The following SAMMSON variants were observed in gnomAD, a reference collection of about 807,000 sequenced individuals.
SAMMSON encodes survival associated mitochondrial melanoma specific oncogenic non-coding RNA, also known as long intergenic non-protein coding RNA 1212.
chr3:70,337,028 ATAATAATATCTAACTTAATATTATTAT>A, intron 7 of SAMMSON, among the ~76,000 whole-genome samples: 1 of 138,658 alleles, frequency 7.2e-6, no homozygotes, highest in African/African-American at 2.6e-5. Context: ...ATTATTATTA[ATAATAATATCTAACTTAATATTATTAT>A]TATTAATAAT....
intron 8 of SAMMSON, among the ~76,000 whole-genome samples, chr3:70,355,192 T>A (rs958887508): frequency 1.3e-5 from 2 of 152,044 alleles, no homozygotes; most frequent in Non-Finnish European, 2.9e-5. Context: ...ACGCTGGAGA[T>A]CTGGTTGAGA....
At chr3:70,388,053 T>C (rs1281269292) in intron 9 of SAMMSON, among the ~76,000 whole-genome samples, 3 of 152,158 alleles carry the variant, frequency 2.0e-5, no homozygotes, top group Non-Finnish European at 4.4e-5. Context: ...GAACGCTTTT[T>C]TGACACGTTG....
intron 7 of SAMMSON, chr3:70,302,834 C>T (rs1219432851): frequency 2.6e-5 from 4 of 152,052 alleles, no homozygotes; most frequent in Admixed American, 6.6e-5. Context: ...ATCTTGTAGG[C>T]CTTTCATTCC....
At chr3:70,127,676 C>G (rs1347835671) in intron 4 of SAMMSON, 1 of 151,946 alleles carries the variant, frequency 6.6e-6, no homozygotes, top group Non-Finnish European at 1.5e-5. Context: ...AAATCTTGCT[C>G]TGTCACCCAG....
intron 4 of SAMMSON, among the ~76,000 whole-genome samples, chr3:70,079,424 C>G (rs78768453): frequency 0.011 from 1,717 of 152,232 alleles, 19 homozygotes; most frequent in Middle Eastern, 0.048. Context: ...TGGATGGACC[C>G]TGACTTATGA....
intron 4 of SAMMSON, among the ~76,000 whole-genome samples, chr3:70,170,579 C>CTTTTTTTTTTT (rs538385626): frequency 4.5e-3 from 475 of 105,492 alleles, no homozygotes; most frequent in Non-Finnish European, 5.2e-3. Context: ...CTAGATTTTC[C>CTTTTTTTTTTT]TTTTTTTTTT....
At chr3:70,352,323 A>G (rs780300181) in intron 7 of SAMMSON, among the ~76,000 whole-genome samples, 1 of 152,116 alleles carries the variant, frequency 6.6e-6, no homozygotes, top group Admixed American at 6.6e-5. Flanking sequence ...CAGATTTCTC[A>G]TCAGAGAGAC....
intron 4 of SAMMSON, among the ~76,000 whole-genome samples, chr3:70,222,155 C>G (rs1350623728): frequency 1.3e-5 from 2 of 152,126 alleles, no homozygotes; most frequent in Non-Finnish European, 2.9e-5. Context: ...CTTACACAGG[C>G]AAAGGTATTC....
intron 2 of SAMMSON, among the ~76,000 whole-genome samples, chr3:70,403,634 T>C (rs1701158043): frequency 2.0e-5 from 3 of 152,100 alleles, no homozygotes; most frequent in East Asian, 3.9e-4. Flanking sequence ...AGTGACAGAG[T>C]TGAGTGATTG....
chr3:70,202,012 C>T, intron 4 of SAMMSON, among the ~76,000 whole-genome samples: 1 of 152,118 alleles, frequency 6.6e-6, no homozygotes, highest in East Asian at 1.9e-4. Context: ...GAATGTATAT[C>T]CCTCTGTGGC....
chr3:70,389,624 G>A (rs2106756479), exon 10 of SAMMSON: 1 of 152,198 alleles, frequency 6.6e-6, no homozygotes, highest in Admixed American at 6.5e-5. Context: ...TTTGTGACTT[G>A]CTTTGTACAG....
At chr3:70,251,293 CAGAA>C (rs1701765598) in intron 6 of SAMMSON, among the ~76,000 whole-genome samples, 1 of 152,144 alleles carries the variant, frequency 6.6e-6, no homozygotes, top group Non-Finnish European at 1.5e-5. Context: ...ACTCAATGTC[CAGAA>C]AGTAAAGTGA....
chr3:70,125,800 G>GT, intron 4 of SAMMSON: 1 of 658,894 alleles, frequency 1.5e-6, no homozygotes, highest in Non-Finnish European at 2.7e-6. Flanking sequence ...CTGCCTTATT[G>GT]TTTTGGGTCT....
At chr3:70,238,320 A>T (rs981469507) in intron 4 of SAMMSON, among the ~76,000 whole-genome samples, 4 of 152,014 alleles carry the variant, frequency 2.6e-5, no homozygotes, top group African/African-American at 9.7e-5. Flanking sequence ...TAAAAAGTCT[A>T]TCTGAGGCTG....
intron 3 of SAMMSON, among the ~76,000 whole-genome samples, chr3:70,027,625 G>C (rs1286929366): frequency 6.6e-6 from 1 of 152,170 alleles, no homozygotes; most frequent in African/African-American, 2.4e-5. Context: ...ACAAATACTG[G>C]TTTATTTTAG....
Position 70,074,131 on chromosome 3 carries a change from C to T in SAMMSON, n.507+2566C>T, listed in dbSNP as rs146811799. 7.5e-3 allele frequency among the ~76,000 whole-genome samples: 1,135 copies of T among 151,982 alleles called. 17 individuals are homozygous for T. Among genetic ancestry groups the T allele is most frequent in the African/African-American group, 0.025 (1,057 of 41,516 alleles). ...TATTAATCAATTGAAAGAATTTTCT[C>T]CAAAAACAATGACTAGCTTTGGAAT... On this transcript the variant is annotated intron_variant and non_coding_transcript_variant, in intron 4 of 9. Transcript: ENST00000642114.
chr3:70,323,141 T>C (rs1702550146), intron 7 of SAMMSON, among the ~76,000 whole-genome samples: 2 of 152,148 alleles, frequency 1.3e-5, no homozygotes, highest in South Asian at 4.1e-4. Flanking sequence ...TCTTGAATTG[T>C]GAATCTCCTC....
chr3:70,073,430 A>T (rs1391281298), intron 4 of SAMMSON, among the ~76,000 whole-genome samples: 2 of 152,036 alleles, frequency 1.3e-5, no homozygotes, highest in African/African-American at 4.8e-5. Flanking sequence ...TACAGCTGTG[A>T]TCAAGACAGA....
intron 7 of SAMMSON, among the ~76,000 whole-genome samples, chr3:70,322,472 T>C (rs1702544530): frequency 6.6e-6 from 1 of 152,156 alleles, no homozygotes; most frequent in Non-Finnish European, 1.5e-5. Flanking sequence ...CAGACAACCA[T>C]GCTTTCTTTC....
Sources: allele counts gnomAD v4.1 joint callset (sites outside exome capture counted in the v4.1 genomes callset), GRCh38; gene constraint gnomAD v4.1.1; transcripts MANE v1.5; gene names NCBI Gene and HGNC (gene_info 2026-07-23, HGNC 2026-07-21).